GALC: variants seen among roughly 807,000 people sequenced by gnomAD.
The protein encoded by GALC is galactosylceramidase.
Under a neutral mutation model 91.8 loss-of-function variants are expected in GALC, and 77 were observed. That is an observed-to-expected ratio of 0.84 (90% CI 0.70 to 1.01). The LOEUF (loss-of-function observed/expected upper bound fraction) is 1.01, where lower values mean the gene tolerates loss of function less well. Among genes scored for constraint, GALC ranks in the 50% least tolerant of loss-of-function variants. The probability of loss-of-function intolerance (pLI) is 0.00; values close to 1 mark genes in which losing one functional copy is unlikely to be tolerated. For missense variants in GALC, 882 were observed against 855.9 expected, an observed-to-expected ratio of 1.03 and a Z score of -0.38; for synonymous variants, 357 against 306.7, an observed-to-expected ratio of 1.16 and a Z score of -1.71.
chr14:87,981,266 AAG>A (rs1239669943), intron 6 of GALC: 1 of 149,936 alleles, frequency 6.7e-6, no homozygotes, highest in Non-Finnish European at 1.5e-5. Context: ...CGAGGATGCA[AAG>A]GCATAAGAAT....
intron 10 of GALC, among the ~76,000 whole-genome samples, chr14:87,961,380 T>C (rs974370533): frequency 9.9e-5 from 15 of 152,178 alleles, no homozygotes; most frequent in Non-Finnish European, 1.6e-4. Flanking sequence ...AATGGTGCAG[T>C]AACTTTGGAA....
Position 87,976,238 on chromosome 14 carries a change from G to A in GALC, c.752+120C>T, listed in dbSNP as rs76114917. On this transcript the variant is annotated intron_variant, in intron 7 of 16. Transcript: ENST00000261304. ...TGAGCCATGCATGCTTCAGGTAAGT[G>A]AATACAGGAGAGCTACCTTCTGAGA... 136,629 of 1,026,890 alleles carry A rather than the reference G, an allele frequency of 0.13. 10,148 individuals carry two copies. Among genetic ancestry groups the A allele is most frequent in the Middle Eastern group, 0.16 (803 of 4,932 alleles). 63.6% of individuals were successfully genotyped at this position (1,026,890 alleles called of 1,614,324 possible).
At chr14:87,938,899 T>C in intron 16 of GALC, among the ~76,000 whole-genome samples, 1 of 151,936 alleles carries the variant, frequency 6.6e-6, no homozygotes, top group East Asian at 1.9e-4. Context: ...GACAATGGGT[T>C]ACTATCCAGA....
rs1304312287 is a variant in GALC at position 87,993,030 on chromosome 14, G to C, written c.135C>G (p.Leu45=). 6.4e-7 allele frequency: 1 copy of C among 1,553,716 alleles called. No individual in the cohort carries two copies. Among genetic ancestry groups the C allele is most frequent in the Non-Finnish European group, 8.7e-7 (1 of 1,153,808 alleles). ...CCCGGCCCAGCCCGTCGGAGTCGTC[G>C]AGCACGTACGCGCCGCCGGGCGCCA... ...ALLAPGGAYV[L]DDSDGLGREF... is the part of the protein sequence containing the mutation. Residue 45 remains leucine (L), a synonymous_variant, in exon 1 of 17, where the codon CTC becomes CTG. Coordinates refer to ENST00000261304, the MANE Select transcript of GALC (RefSeq NM_000153.4).
Position 87,986,477 on chromosome 14 carries a change from T to C in GALC, c.442+12A>G, listed in dbSNP as rs765692391. On this transcript the variant is annotated intron_variant, in intron 4 of 16. Coordinates refer to ENST00000261304, the MANE Select transcript of GALC (RefSeq NM_000153.4). ...AAGAGACTGAAGAAACATTGCAAAC[T>C]TCATTTCTTACCAATGAGTGTAATA... 2.6e-5 allele frequency: 39 copies of C among 1,492,776 alleles called. No individual in the cohort carries two copies. The South Asian group carries it at 4.0e-4, about 15-fold the overall frequency. The allele number at this position is 1,492,776 out of a possible 1,614,324, so 92.5% of individuals were successfully genotyped here.
At chr14:87,934,899 T>C (rs768231872) in intron 16 of GALC, 21 bp from the exon 17 acceptor site, 1 of 1,551,946 alleles carries the variant, frequency 6.4e-7, no homozygotes, top group Non-Finnish European at 8.9e-7. Flanking sequence ...AAGAAACACA[T>C]TCCTTGAAAC....
intron 10 of GALC, among the ~76,000 whole-genome samples, chr14:87,958,748 G>C (rs1566984345): frequency 6.6e-6 from 1 of 152,032 alleles, no homozygotes. Flanking sequence ...CTAGGAAAAA[G>C]GACAGTCTCT....
chr14:87,987,593 A>G (rs958293994), intron 3 of GALC, among the ~76,000 whole-genome samples: 4 of 152,204 alleles, frequency 2.6e-5, no homozygotes, highest in Admixed American at 1.3e-4. Flanking sequence ...ATAATAAGCT[A>G]TATCTAATCA....
chr14:87,988,591 C>A lies in GALC; in HGVS notation c.196-68G>T, dbSNP rs145459428. The stretch of plus-strand genomic sequence containing the variant: ...GTCATGAATATCTGTCTACAGTGTT[C>A]ACGCACACCACCTGGTATACACATA... On this transcript the variant is annotated intron_variant, in intron 1 of 16. Transcript: ENST00000261304. 6.7e-4 allele frequency: 732 copies of A among 1,091,696 alleles called. 3 individuals carry two copies. In the African/African-American group the frequency reaches 9.4e-3, roughly 14 times the overall value. The allele number at this position is 1,091,696 out of a possible 1,614,324, so 67.6% of individuals were successfully genotyped here. A position where few individuals can be genotyped will look rare whatever the true frequency, so the allele number is the denominator to read the frequency against.
chr14:87,987,883 A>G, intron 3 of GALC: 1 of 463,620 alleles, frequency 2.2e-6, no homozygotes, highest in South Asian at 2.6e-5. Flanking sequence ...TATAGGTTTT[A>G]GAAAACTGTG....
At chr14:87,953,983 T>C in intron 10 of GALC, 1 of 1,609,122 alleles carries the variant, frequency 6.2e-7, no homozygotes, top group Non-Finnish European at 8.5e-7. Context: ...GCATATACAG[T>C]GTTTCTTGGA....
At chr14:87,947,917 T>C in intron 12 of GALC, 39 bp from the exon 13 acceptor site, 1 of 1,586,646 alleles carries the variant, frequency 6.3e-7, no homozygotes, top group Non-Finnish European at 8.7e-7. Flanking sequence ...GACCAGGTAC[T>C]ATAGCTCATC....
intron 4 of GALC, 59 bp from the exon 5 acceptor site, chr14:87,984,592 A>C (rs754069706): frequency 1.3e-6 from 2 of 1,579,786 alleles, no homozygotes; most frequent in Admixed American, 3.4e-5. Context: ...GGCGCTATTG[A>C]AAATAAAACA....
In GALC at chr14:87,934,430, A is replaced by C. The variant is rs937324207; in HGVS notation, c.*302T>G. 1.5e-6 allele frequency: 2 copies of C among 1,302,930 alleles called. No individual in the cohort carries two copies. Among genetic ancestry groups the C allele is most frequent in the African/African-American group, 3.0e-5 (2 of 66,776 alleles). 80.7% of individuals were successfully genotyped at this position (1,302,930 alleles called of 1,614,324 possible). A position where few individuals can be genotyped will look rare whatever the true frequency, so the allele number is the denominator to read the frequency against. ...AGATGAAGAGAGCTACCTCAGTGTT[A>C]GCAGCAAGGCTTCGAGGTCTGTACT... On this transcript the variant is annotated 3_prime_UTR_variant, in exon 17 of 17. Coordinates refer to ENST00000261304, the MANE Select transcript of GALC (RefSeq NM_000153.4).
intron 5 of GALC, among the ~76,000 whole-genome samples, chr14:87,982,661 G>T (rs1270472922): frequency 6.6e-6 from 1 of 152,058 alleles, no homozygotes; most frequent in East Asian, 1.9e-4. Context: ...TGTATAGAAG[G>T]CATATTTTTA....
At chr14:87,967,320 G>T (rs996462915) in intron 8 of GALC, among the ~76,000 whole-genome samples, 6 of 152,102 alleles carry the variant, frequency 3.9e-5, no homozygotes, top group African/African-American at 1.2e-4. Flanking sequence ...TAAGACTGTA[G>T]GTGATTTTGC....
rs749401114 is a variant in GALC, at chr14:87,953,062, T to C, written c.1162-2314A>G. 3.7e-4 allele frequency: 528 copies of C among 1,440,566 alleles called. 1 individual carries two copies. In the Middle Eastern group the frequency reaches 5.7e-3, roughly 16 times the overall value. The allele number at this position is 1,440,566 out of a possible 1,614,324, so 89.2% of individuals were successfully genotyped here. On this transcript the variant is annotated intron_variant, in intron 10 of 16. Coordinates refer to ENST00000261304, the MANE Select transcript of GALC (RefSeq NM_000153.4). The stretch of plus-strand genomic sequence containing the variant: ...AAACAAATTAATATAGGGCCTGAAG[T>C]GGTACAAAGAGAGTGTGTGCCAACA...
intron 9 of GALC, among the ~76,000 whole-genome samples, chr14:87,963,938 C>T (rs1416462296): frequency 6.6e-6 from 1 of 152,094 alleles, no homozygotes; most frequent in Non-Finnish European, 1.5e-5. Context: ...TTATTGGTCA[C>T]CTCCTAAGCT....
chr14:87,934,489 C>T lies in GALC; in HGVS notation c.*243G>A. ...CACTCCTAAGGGTATGGCCAATGCACAGTTTGAATGTTAGGGAACACACCA... is the reference window on the plus strand; with the variant it reads ...CACTCCTAAGGGTATGGCCAATGCATAGTTTGAATGTTAGGGAACACACCA... On this transcript the variant is annotated 3_prime_UTR_variant, in exon 17 of 17. Transcript: ENST00000261304. 7.2e-7 allele frequency: 1 copy of T among 1,392,012 alleles called. No homozygotes were observed. The highest frequency in any genetic ancestry group is 9.3e-7 in the Non-Finnish European group (1 of 1,074,890). 86.2% of individuals were successfully genotyped at this position (1,392,012 alleles called of 1,614,324 possible). A position where few individuals can be genotyped will look rare whatever the true frequency, so the allele number is the denominator to read the frequency against.
Sources: allele counts gnomAD v4.1 joint callset (sites outside exome capture counted in the v4.1 genomes callset), GRCh38; gene constraint gnomAD v4.1.1; transcripts MANE v1.5; gene names NCBI Gene and HGNC (gene_info 2026-07-23, HGNC 2026-07-21).